The following MAP3K11 variants were observed in gnomAD, a reference collection of about 807,000 sequenced individuals.
MAP3K11 encodes the protein mitogen-activated protein kinase kinase kinase 11.
A neutral mutation model predicts 84.9 loss-of-function variants in MAP3K11; 46 were observed. That is an observed-to-expected ratio of 0.54 (90% confidence interval 0.43 to 0.69). The LOEUF is 0.69. Among genes scored for constraint, MAP3K11 ranks in the 30% least tolerant of loss-of-function variants. MAP3K11 has a pLI of 0.00. For synonymous variants in MAP3K11, 527 were observed against 514.7 expected (o/e 1.02, Z -0.32); for missense variants, 1,053 against 1,198.3 (o/e 0.88, Z 1.79).
At chr11:65,606,878 C>A in intron 5 of MAP3K11, 74 bp from the exon 6 acceptor site, 1 of 934,388 alleles carries the variant, frequency 1.1e-6, no homozygotes, top group South Asian at 1.4e-5. Context: ...CTGCAGGGGC[C>A]CAAGGCCAGC....
chr11:65,600,663 T>A (rs980107113), intron 8 of MAP3K11, among the ~76,000 whole-genome samples: 1 of 152,204 alleles, frequency 6.6e-6, no homozygotes, highest in Non-Finnish European at 1.5e-5. Context: ...GACAAGGGAC[T>A]CTAGGATGGG....
chr11:65,599,903 A>T, intron 8 of MAP3K11, 135 bp from the exon 9 acceptor site: 1 of 933,610 alleles, frequency 1.1e-6, no homozygotes, highest in Non-Finnish European at 1.6e-6. Context: ...CACAGGTCCC[A>T]TGGCCTCCCC....
chr11:65,599,815 C>A, intron 8 of MAP3K11, 47 bp from the exon 9 acceptor site: 1 of 1,569,736 alleles, frequency 6.4e-7, no homozygotes, highest in East Asian at 2.3e-5. Flanking sequence ...GTGCATATTC[C>A]GGGTGAGGGC....
intron 1 of MAP3K11, chr11:65,609,829 G>A (rs940822297): frequency 6.6e-6 from 1 of 152,330 alleles, no homozygotes; most frequent in Non-Finnish European, 1.5e-5. Flanking sequence ...CCCAGAGGAG[G>A]TGGCAGAACC....
At chr11:65,600,511 G>C (rs1402721770) in intron 8 of MAP3K11, among the ~76,000 whole-genome samples, 1 of 152,168 alleles carries the variant, frequency 6.6e-6, no homozygotes, top group Non-Finnish European at 1.5e-5. Flanking sequence ...CCCAGGCAAG[G>C]GCAGTAGAAC....
At chr11:65,604,411 C>T (rs1854485352) in intron 8 of MAP3K11, among the ~76,000 whole-genome samples, 1 of 152,238 alleles carries the variant, frequency 6.6e-6, no homozygotes, top group Admixed American at 6.5e-5. Context: ...CTTGGCCTTC[C>T]AGCTCTCAGT....
rs1358826764 is a variant in MAP3K11, at chr11:65,605,835, T to C, written c.1757A>G (p.Asp586Gly). 1.9e-6 allele frequency: 3 copies of C among 1,613,082 alleles called. No homozygotes were observed. The highest frequency in any genetic ancestry group is 2.5e-6 in the Non-Finnish European group (3 of 1,179,554). Residue 586 changes from aspartate (D) to glycine (G), a missense_variant, in exon 8 of 10, where the codon GAC (aspartate) becomes GGC (glycine). Asp to Gly is a moderately conservative substitution (Grantham distance 94). This residue lies in a region of MAP3K11 where 583 missense variants were observed against 566.6 expected (regional missense o/e 1.03). Coordinates refer to ENST00000309100, the MANE Select transcript of MAP3K11 (RefSeq NM_002419.4). ...AQNGRRRSRMDEATWYLDSDD... is the reference protein window; with the variant it reads ...AQNGRRRSRMGEATWYLDSDD... The stretch of plus-strand genomic sequence containing the variant: ...TGAATCCAGGTACCATGTGGCTTCG[T>C]CCATGCGGGACCTTCTCCTGGTGAT...
chr11:65,598,755 CCCTTCCTGCTCCGT>C, intron 9 of MAP3K11, 127 bp from the exon 10 acceptor site: 1 of 627,342 alleles, frequency 1.6e-6, no homozygotes, highest in Non-Finnish European at 2.5e-6. Flanking sequence ...ACTTCCACCG[CCCTTCCTGCTCCGT>C]GGTGCCTCTG....
rs943279511 is a variant in MAP3K11, at chr11:65,605,772, G to A, written c.1820C>T (p.Pro607Leu). Residue 607 changes from proline (P) to leucine (L), a missense_variant, in exon 8 of 10, where the codon CCA becomes CTA. Pro to Leu is a moderately conservative substitution (Grantham distance 98, BLOSUM62 -3). This residue lies in a region of MAP3K11 where 583 missense variants were observed against 566.6 expected (regional missense o/e 1.03). Coordinates refer to ENST00000309100, the MANE Select transcript of MAP3K11 (RefSeq NM_002419.4). ...SSPLGSPSTPPALNGNPPRPS... is the reference protein window; with the variant it reads ...SSPLGSPSTPLALNGNPPRPS... ...GGAAGGCCACTCACCATTGAGTGCT[G>A]GGGGTGTGGAAGGAGATCCTAAGGG... 1.6e-5 allele frequency: 26 copies of A among 1,609,334 alleles called. No individual in the cohort carries two copies. Among genetic ancestry groups the A allele is most frequent in the Non-Finnish European group, 2.2e-5 (26 of 1,177,894 alleles).
At position 65,607,328 on chromosome 11, in the gene MAP3K11, T is replaced by A. The variant is rs1056067298; in HGVS notation, c.1431A>T (p.Thr477=). ...ERPHVRRRRG[T]FKRSKLRARD... ...GCGCCCGGAGCTTGCTGCGCTTGAA[T>A]GTCCCGCGGCGGCGGCGCACGTGCG... is the stretch of plus-strand genomic sequence containing the variant. Residue 477 remains threonine (T), a synonymous_variant, in exon 5 of 10, where the codon ACA becomes ACT. Coordinates refer to ENST00000309100, the MANE Select transcript of MAP3K11 (RefSeq NM_002419.4). The A allele has an allele frequency of 1.2e-5, 18 of 1,515,118 alleles. No individual in the cohort carries two copies. In the African/African-American group the frequency reaches 2.4e-4, roughly 20 times the overall value. The allele number at this position is 1,515,118 out of a possible 1,614,324, so 93.9% of individuals were successfully genotyped here. A position where few individuals can be genotyped will look rare whatever the true frequency, so the allele number is the denominator to read the frequency against.
chr11:65,603,318 C>T lies in MAP3K11; in HGVS notation c.1831+2443G>A, dbSNP rs1053376117. Among the ~76,000 whole-genome samples, 15 of 152,360 alleles carry T rather than the reference C, an allele frequency of 9.8e-5. 1 individual carries two copies. The South Asian group carries it at 1.0e-3, about 11-fold the overall frequency. ...AACTCTGTTGTTTAGGAGAAAGCTG[C>T]GTGACTATTCTTGACCCAAAGATAG... On this transcript the variant is annotated intron_variant, in intron 8 of 9. Coordinates refer to ENST00000309100, the MANE Select transcript of MAP3K11 (RefSeq NM_002419.4).
chr11:65,598,670 A>C (rs1854414318), intron 9 of MAP3K11, 42 bp from the exon 10 acceptor site: 1 of 1,390,614 alleles, frequency 7.2e-7, no homozygotes, highest in South Asian at 1.5e-5. Flanking sequence ...GCAACCCCCA[A>C]CTGCTGAGGT....
rs1181305206 is a variant in MAP3K11, at chr11:65,598,640, T to C, written c.2207-12A>G. Reference sequence around the variant, plus strand: ...TGAGACAGTGCCTCCTGTGAGGATATAGGAGGGGCACAGGGTCAAGCAACC... The same window carrying C: ...TGAGACAGTGCCTCCTGTGAGGATACAGGAGGGGCACAGGGTCAAGCAACC... On this transcript the variant is annotated splice_polypyrimidine_tract_variant and intron_variant, in intron 9 of 9. Transcript: ENST00000309100. 33 of 1,475,270 alleles carry C rather than the reference T, an allele frequency of 2.2e-5. No individual in the cohort carries two copies. The highest frequency in any genetic ancestry group is 3.0e-5 in the Non-Finnish European group (33 of 1,104,188). 91.4% of individuals were successfully genotyped at this position (1,475,270 alleles called of 1,614,324 possible).
In MAP3K11 at chr11:65,607,454, C is replaced by G. The variant is rs951448463; in HGVS notation, c.1305G>C (p.Ala435=). ...TRAAREQRSQ[A]EQLRRREHLL... is the part of the protein sequence containing the mutation. ...GGTGCTCGCGCCGCCGCAGCTGCTC[C>G]GCCTGTGACCGCTGCTCGCGCGCCG... Residue 435 remains alanine, a synonymous_variant, in exon 5 of 10, where the codon GCG becomes GCC. Coordinates refer to ENST00000309100, the MANE Select transcript of MAP3K11 (RefSeq NM_002419.4). The G allele has an allele frequency of 6.5e-7, 1 of 1,542,002 alleles. No homozygotes were observed. The highest frequency in any genetic ancestry group is 8.7e-7 in the Non-Finnish European group (1 of 1,154,448).
At chr11:65,599,324 C>G (rs953198373) in intron 9 of MAP3K11, 70 bp downstream of exon 9, 2 of 1,459,196 alleles carry the variant, frequency 1.4e-6, no homozygotes, top group Non-Finnish European at 1.8e-6. Flanking sequence ...CATGTCCCCA[C>G]CAGCCACTCC....
In MAP3K11 at chr11:65,599,612, GGCT is replaced by G; in HGVS notation, c.1985_1987del (p.Gln662del). ...GCGCTCGCGTCCTGGGCCTCCCGGC[GGCT>G]GCAGGTCGCGGCCAAGGCCCAGCGA... On this transcript the variant is annotated inframe_deletion, in exon 9 of 10. Transcript: ENST00000309100. The G allele has an allele frequency of 6.5e-7, 1 of 1,541,716 alleles. No individual in the cohort carries two copies. Among genetic ancestry groups the G allele is most frequent in the Non-Finnish European group, 8.7e-7 (1 of 1,150,058 alleles).
At position 65,606,087 on chromosome 11, in the gene MAP3K11, G is replaced by A. The variant is rs776159436; in HGVS notation, c.1604-6C>T. ...GCCTGGCTCTGCAGGCTCCACTGCA[G>A]GGGAAACCGATGAAATCGGAGATAA... On this transcript the variant is annotated splice_region_variant and splice_polypyrimidine_tract_variant and intron_variant, in intron 6 of 9. Transcript: ENST00000309100. 1.3e-6 allele frequency: 2 copies of A among 1,563,556 alleles called. No individual in the cohort carries two copies. Among genetic ancestry groups the A allele is most frequent in the Non-Finnish European group, 1.7e-6 (2 of 1,160,150 alleles).
At chr11:65,602,302 A>C (rs539706133) in intron 8 of MAP3K11, among the ~76,000 whole-genome samples, 7 of 151,856 alleles carry the variant, frequency 4.6e-5, no homozygotes, top group Admixed American at 3.3e-4. Flanking sequence ...ACTTGAGGTC[A>C]GGAGTGCATG....
rs1409858552 is a variant in MAP3K11, at chr11:65,606,657, G to T, written c.1603+34C>A. 5 of 1,440,470 alleles carry T rather than the reference G, an allele frequency of 3.5e-6. No individual in the cohort carries two copies. The African/African-American group carries it at 7.2e-5, about 21-fold the overall frequency. The allele number at this position is 1,440,470 out of a possible 1,614,324, so 89.2% of individuals were successfully genotyped here. On this transcript the variant is annotated intron_variant, in intron 6 of 9. Transcript: ENST00000309100. Reference sequence around the variant, plus strand: ...TCTGACAGAGAATAAGGAGCTGGGGGGCGGAGAGGGGCATGAGAGGTGAAG... The same window carrying T: ...TCTGACAGAGAATAAGGAGCTGGGGTGCGGAGAGGGGCATGAGAGGTGAAG...
Sources: gnomAD v4.1 joint callset for allele counts (sites outside exome capture counted in the v4.1 genomes callset) on GRCh38, gnomAD v4.1.1 for gene constraint, gnomAD v4.1.1 regional missense constraint, MANE v1.5 for transcripts, NCBI Gene and HGNC (gene_info 2026-07-23, HGNC 2026-07-21) for gene names.